The following LSS variants were observed in gnomAD, a reference collection of about 807,000 sequenced individuals.
LSS encodes the protein lanosterol synthase.
LSS carries 90 observed loss-of-function variants against 110.3 expected under a neutral mutation model. That is an observed-to-expected ratio of 0.82 (90% confidence interval 0.69 to 0.97). LSS has a LOEUF of 0.97. Among genes scored for constraint, LSS ranks in the 50% least tolerant of loss-of-function variants. The pLI, the probability that LSS is intolerant of heterozygous loss-of-function variation, is 0.00. For missense variants in LSS, 927 were observed against 990.0 expected (o/e 0.94, Z 0.85); for synonymous variants, 433 against 400.0 (o/e 1.08, Z -0.98).
At chr21:46,204,824 T>C (rs2080024954) in intron 17 of LSS, among the ~76,000 whole-genome samples, 1 of 152,042 alleles carries the variant, frequency 6.6e-6, no homozygotes, top group Non-Finnish European at 1.5e-5. Flanking sequence ...TCCAGCATCA[T>C]CTTAACAGGA....
At position 46,222,685 on chromosome 21, in the gene LSS, C is replaced by A; in HGVS notation, c.373G>T (p.Glu125Ter). The stretch of plus-strand genomic sequence containing the variant: ...GACCGCAGGTACCGCACAATCTCTT[C>A]TCTGTATCCGGCTGGCAGAGGGATG... ...ARIPLPAGYR[E>*]EIVRYLRSVQ... Residue 125 changes from glutamate to a stop codon, truncating the protein, a stop_gained, in exon 4 of 22, where the codon GAA becomes TAA. Transcript: ENST00000397728. LOFTEE classifies it high-confidence loss of function. The A allele has an allele frequency of 6.2e-7, 1 of 1,613,968 alleles. No individual in the cohort carries two copies. The highest frequency in any genetic ancestry group is 8.5e-7 in the Non-Finnish European group (1 of 1,180,038).
At position 46,221,258 on chromosome 21, in the gene LSS, G is replaced by A. The variant is rs185810758; in HGVS notation, c.550+596C>T. Among the ~76,000 whole-genome samples the A allele has an allele frequency of 1.3e-4, 20 of 152,268 alleles. No individual in the cohort carries two copies. The East Asian group carries it at 3.9e-3, about 29-fold the overall frequency. ...GCAAGCTCCAGGGCTGCTCTTGCCT[G>A]CAGCCAGGCTGCCCCCAGAAGGTGG... On this transcript the variant is annotated intron_variant, in intron 5 of 21. Coordinates refer to ENST00000397728, the MANE Select transcript of LSS (RefSeq NM_002340.6).
In LSS at chr21:46,213,613, T is replaced by C. The variant is rs1157079198; in HGVS notation, c.1109+125A>G. 9.5e-6 allele frequency: 7 copies of C among 735,126 alleles called. No homozygotes were observed. In the East Asian group the frequency reaches 1.9e-4, roughly 20 times the overall value. The allele number at this position is 735,126 out of a possible 1,614,324, so 45.5% of individuals were successfully genotyped here. ...CTTCCACAAGCCCTGACACTGCTGG[T>C]TCCTGGAGGTATTCCCTGGCAGTAT... On this transcript the variant is annotated intron_variant, in intron 10 of 21. Coordinates refer to ENST00000397728, the MANE Select transcript of LSS (RefSeq NM_002340.6).
At chr21:46,227,342 CAG>C (rs2080352748) in intron 3 of LSS, 2 of 583,984 alleles carry the variant, frequency 3.4e-6, no homozygotes, top group African/African-American at 3.7e-5. Flanking sequence ...CTTCTCTTAT[CAG>C]AGAGCCTGTC....
At chr21:46,217,283 A>ACTGTAGGTCTGTAGGT (rs71187305) in intron 6 of LSS, among the ~76,000 whole-genome samples, 1 of 150,116 alleles carries the variant, frequency 6.7e-6, no homozygotes, top group Admixed American at 6.6e-5. Flanking sequence ...GAAAAAAGAA[A>ACTGTAGGTCTGTAGGT]CTGTAGGTCT....
intron 2 of LSS, 61 bp downstream of exon 2, chr21:46,228,373 G>A: frequency 3.2e-6 from 5 of 1,555,038 alleles, no homozygotes; most frequent in South Asian, 1.1e-5. Context: ...GAGAAAACGT[G>A]CTCCTCACGG....
intron 17 of LSS, among the ~76,000 whole-genome samples, chr21:46,197,066 G>A (rs1005850541): frequency 4.6e-5 from 7 of 152,248 alleles, no homozygotes; most frequent in African/African-American, 1.7e-4. Flanking sequence ...GCGAGGCCGC[G>A]CCTGGACTTC....
intron 2 of LSS, 67 bp downstream of exon 2, chr21:46,228,367 A>G (rs2123772481): frequency 6.5e-7 from 1 of 1,545,926 alleles, no homozygotes; most frequent in South Asian, 1.2e-5. Context: ...TTCTGAGAGA[A>G]AACGTGCTCC....
At chr21:46,226,898 G>C (rs1234751190) in intron 3 of LSS, among the ~76,000 whole-genome samples, 2 of 152,214 alleles carry the variant, frequency 1.3e-5, no homozygotes, top group South Asian at 2.1e-4. Flanking sequence ...GTATCAGTAA[G>C]AGTTATCACA....
chr21:46,208,583 C>A (rs900090253), intron 13 of LSS, among the ~76,000 whole-genome samples: 1 of 152,202 alleles, frequency 6.6e-6, no homozygotes, highest in Non-Finnish European at 1.5e-5. Context: ...GTGATCTCCC[C>A]ACCGGCCAGA....
intron 8 of LSS, 68 bp from the exon 9 acceptor site, chr21:46,215,366 C>G: frequency 4.6e-6 from 5 of 1,087,070 alleles, no homozygotes; most frequent in Non-Finnish European, 5.4e-6. Context: ...GCTCCATGCA[C>G]TGCAACGCCT....
intron 16 of LSS, among the ~76,000 whole-genome samples, 170 bp from the exon 17 acceptor site, chr21:46,206,111 T>G (rs1224542662): frequency 1.3e-5 from 2 of 152,194 alleles, no homozygotes; most frequent in African/African-American, 4.8e-5. Context: ...CACACACCTG[T>G]GCTACCTGAG....
chr21:46,213,023 A>C lies in LSS; in HGVS notation c.1137+2T>G, dbSNP rs2080153559. 1.9e-6 allele frequency: 3 copies of C among 1,613,908 alleles called. No homozygotes were observed. The highest frequency in any genetic ancestry group is 2.5e-6 in the Non-Finnish European group (3 of 1,180,024). On this transcript the variant is annotated splice_donor_variant, in intron 11 of 21. Transcript: ENST00000397728. LOFTEE classifies it high-confidence loss of function. Reference sequence around the variant, plus strand: ...ATGCAGCCGCAGTCCCGCAGCCCTTACCTGCATTTTCATGCCGTCAAGGCC... The same window carrying C: ...ATGCAGCCGCAGTCCCGCAGCCCTTCCCTGCATTTTCATGCCGTCAAGGCC...
chr21:46,210,499 C>T (rs1018146612), intron 12 of LSS, among the ~76,000 whole-genome samples, 189 bp downstream of exon 12: 1 of 152,244 alleles, frequency 6.6e-6, no homozygotes, highest in African/African-American at 2.4e-5. Flanking sequence ...CAGCCCAACA[C>T]CCAAGGCTGC....
Position 46,217,181 on chromosome 21 carries a change from T to C in LSS, c.648-657A>G, listed in dbSNP as rs867268533. On this transcript the variant is annotated intron_variant, in intron 6 of 21. Coordinates refer to ENST00000397728, the MANE Select transcript of LSS (RefSeq NM_002340.6). The stretch of plus-strand genomic sequence containing the variant: ...AGAATCGCTTGAACCTGGGAGGAGG[T>C]TGCAGTGAGCCGAGATTGTGCCACT... 1.1e-4 allele frequency among the ~76,000 whole-genome samples: 16 copies of C among 148,476 alleles called. 1 individual carries two copies. The Middle Eastern group carries it at 0.014, about 130-fold the overall frequency.
At position 46,216,610 on chromosome 21, in the gene LSS, C is replaced by T. The variant is rs1008264196; in HGVS notation, c.648-86G>A. 21 of 1,429,776 alleles carry T rather than the reference C, an allele frequency of 1.5e-5. No homozygotes were observed. The highest frequency in any genetic ancestry group is 1.9e-5 in the Non-Finnish European group (20 of 1,081,074). 88.6% of individuals were successfully genotyped at this position (1,429,776 alleles called of 1,614,324 possible). On this transcript the variant is annotated intron_variant, in intron 6 of 21. Coordinates refer to ENST00000397728, the MANE Select transcript of LSS (RefSeq NM_002340.6). The surrounding 1 kb of genome is among the most constrained non-coding windows in gnomAD (Gnocchi z 4.2). ...CATCCATACCTTGGGCCCTTTCAAGCACGAACACTGGTGGATGGCTATTCC... is the reference window on the plus strand; with the variant it reads ...CATCCATACCTTGGGCCCTTTCAAGTACGAACACTGGTGGATGGCTATTCC...
chr21:46,199,318 G>C (rs1402103865), intron 17 of LSS, among the ~76,000 whole-genome samples: 1 of 152,180 alleles, frequency 6.6e-6, no homozygotes, highest in Non-Finnish European at 1.5e-5. Flanking sequence ...GAAACAAGGA[G>C]ATACCACTAC....
At chr21:46,213,886 T>C (rs1161274997) in intron 9 of LSS, 51 bp from the exon 10 acceptor site, 5 of 1,334,786 alleles carry the variant, frequency 3.7e-6, no homozygotes, top group Non-Finnish European at 5.3e-6. Context: ...CACAGCAGCC[T>C]CCAGGGACAA....
intron 2 of LSS, among the ~76,000 whole-genome samples, 187 bp downstream of exon 2, chr21:46,228,247 T>C (rs2080379988): frequency 6.6e-6 from 1 of 152,246 alleles, no homozygotes; most frequent in African/African-American, 2.4e-5. Flanking sequence ...AGGAGTCTCC[T>C]ATGCGTGGTT....
Sources: allele counts gnomAD v4.1 joint callset (sites outside exome capture counted in the v4.1 genomes callset), GRCh38; gene constraint gnomAD v4.1.1; non-coding constraint Gnocchi (gnomAD v3.1); transcripts MANE v1.5; gene names NCBI Gene and HGNC (gene_info 2026-07-23, HGNC 2026-07-21).